KLHL7: variants seen among roughly 807,000 people sequenced by gnomAD.
KLHL7 encodes the protein kelch-like protein 7.
Under a neutral mutation model 67.4 loss-of-function variants are expected in KLHL7, and 44 were observed. The ratio of observed to expected loss-of-function variants is 0.65; its 90% CI spans 0.51 to 0.84. KLHL7 has a LOEUF of 0.84. Among genes scored for constraint, KLHL7 ranks in the 40% least tolerant of loss-of-function variants. The probability of loss-of-function intolerance (pLI) is 0.00; values close to 1 mark genes in which losing one functional copy is unlikely to be tolerated. For synonymous variants in KLHL7, 252 were observed against 243.3 expected, an observed-to-expected ratio of 1.04 and a Z score of -0.33; for missense variants, 362 against 718.1, an observed-to-expected ratio of 0.50 and a Z score of 5.67.
chr7:23,127,660 AACCCAG>A (rs1034425922), intron 4 of KLHL7, among the ~76,000 whole-genome samples: 1 of 152,050 alleles, frequency 6.6e-6, no homozygotes, highest in Non-Finnish European at 1.5e-5. Flanking sequence ...TAAAAAATTA[AACCCAG>A]TACCAGCCTG....
At chr7:23,142,872 A>G (rs1784234254) in intron 5 of KLHL7, among the ~76,000 whole-genome samples, 1 of 152,190 alleles carries the variant, frequency 6.6e-6, no homozygotes, top group Non-Finnish European at 1.5e-5. Flanking sequence ...GAAAAATAAC[A>G]CTAGATAAAA....
At chr7:23,115,538 G>T (rs1436340462) in intron 1 of KLHL7, among the ~76,000 whole-genome samples, 4 of 150,836 alleles carry the variant, frequency 2.7e-5, no homozygotes, top group South Asian at 2.1e-4. Context: ...CTCATTTTGG[G>T]TTTTTTTTGT....
At chr7:23,151,160 T>TG (rs11398631) in intron 6 of KLHL7, among the ~76,000 whole-genome samples, 13 of 132,746 alleles carry the variant, frequency 9.8e-5, no homozygotes, top group African/African-American at 3.4e-4. Flanking sequence ...CTGTTTTGTT[T>TG]TTTTTTTTTT....
chr7:23,108,521 C>G (rs1782739128), intron 1 of KLHL7, among the ~76,000 whole-genome samples: 1 of 152,150 alleles, frequency 6.6e-6, no homozygotes, highest in African/African-American at 2.4e-5. Flanking sequence ...AGAACATGAC[C>G]AGTACACCAG....
Position 23,105,811 on chromosome 7 carries a change from T to C in KLHL7, c.-216T>C. 1 of 637,718 alleles carries C rather than the reference T, an allele frequency of 1.6e-6. No homozygotes were observed. The highest frequency in any genetic ancestry group is 1.8e-5 in the South Asian group (1 of 56,722). 39.5% of individuals were successfully genotyped at this position (637,718 alleles called of 1,614,324 possible). A position where few individuals can be genotyped will look rare whatever the true frequency, so the allele number is the denominator to read the frequency against. On this transcript the variant is annotated 5_prime_UTR_variant, in exon 1 of 11. Transcript: ENST00000339077. The stretch of plus-strand genomic sequence containing the variant: ...GGTTCTGCCCGGGGACGCAGCCCAG[T>C]TGGTAGCGTCGCTCCCTGAGCGTTT...
At chr7:23,133,727 C>T (rs2128462686) in intron 4 of KLHL7, among the ~76,000 whole-genome samples, 1 of 152,296 alleles carries the variant, frequency 6.6e-6, no homozygotes. Flanking sequence ...AACCACCATG[C>T]CCAGCCCTCT....
intron 7 of KLHL7, among the ~76,000 whole-genome samples, chr7:23,155,505 C>G (rs997455706): frequency 1.3e-5 from 2 of 151,590 alleles, no homozygotes; most frequent in African/African-American, 4.8e-5. Context: ...TCTACTAAAG[C>G]TACAAAAAAT....
intron 4 of KLHL7, among the ~76,000 whole-genome samples, chr7:23,127,889 A>C (rs570922135): frequency 2.0e-5 from 3 of 151,796 alleles, no homozygotes; most frequent in South Asian, 2.1e-4. Flanking sequence ...ACAAAAAAAA[A>C]CAGTAGTTTG....
intron 4 of KLHL7, among the ~76,000 whole-genome samples, chr7:23,126,258 TCACACAACTCAGAACAG>T (rs1166315206): frequency 6.6e-6 from 1 of 152,170 alleles, no homozygotes; most frequent in African/African-American, 2.4e-5. Context: ...TGAGATTTCA[TCACACAACTCAGAACAG>T]CACACAATTT....
chr7:23,165,444 T>C (rs181686201), intron 7 of KLHL7, among the ~76,000 whole-genome samples: 1 of 152,180 alleles, frequency 6.6e-6, no homozygotes, highest in East Asian at 1.9e-4. Flanking sequence ...TATATCCAAA[T>C]ATATTTAAGT....
At chr7:23,167,814 A>C in intron 8 of KLHL7, 22 bp from the exon 9 acceptor site, 11 of 1,610,352 alleles carry the variant, frequency 6.8e-6, no homozygotes, top group Non-Finnish European at 9.3e-6. Context: ...GTTAAGCATG[A>C]TGGGGCCTTT....
chr7:23,140,399 CA>C lies in KLHL7; in HGVS notation c.443-362del, dbSNP rs963874109. On this transcript the variant is annotated intron_variant, in intron 4 of 10. Transcript: ENST00000339077. ...GAAACCCCGTCTCTACTAAAAAATA[CA>C]AAAAAAATTAGCCAGGCGTGGTGGC... Among the ~76,000 whole-genome samples the C allele has an allele frequency of 4.6e-5, 7 of 151,786 alleles. No homozygotes were observed. The East Asian group carries it at 9.7e-4, about 21-fold the overall frequency.
rs1414374228 is a variant in KLHL7, at chr7:23,175,680, G to T, written c.*1382G>T. 2 of 231,522 alleles carry T rather than the reference G, an allele frequency of 8.6e-6. No individual in the cohort carries two copies. Among genetic ancestry groups the T allele is most frequent in the African/African-American group, 2.4e-5 (1 of 42,132 alleles). The allele number at this position is 231,522 out of a possible 1,614,324, so 14.3% of individuals were successfully genotyped here. A position where few individuals can be genotyped will look rare whatever the true frequency, so the allele number is the denominator to read the frequency against. ...TCACCATTTAAAGTATACTATTCAGGCCAGGCACAGTGGCTCACGCCTGTA... is the reference window on the plus strand; with the variant it reads ...TCACCATTTAAAGTATACTATTCAGTCCAGGCACAGTGGCTCACGCCTGTA... On this transcript the variant is annotated 3_prime_UTR_variant, in exon 11 of 11. Coordinates refer to ENST00000339077, the MANE Select transcript of KLHL7 (RefSeq NM_001031710.3).
intron 5 of KLHL7, among the ~76,000 whole-genome samples, chr7:23,141,621 C>A (rs757161852): frequency 2.0e-5 from 3 of 151,728 alleles, no homozygotes; most frequent in Non-Finnish European, 4.4e-5. Context: ...TTCATTCATT[C>A]ATTCATTCAT....
Position 23,140,802 on chromosome 7 carries a change from C to G in KLHL7, c.476C>G (p.Pro159Arg). The change falls in exon 5 of 11, where the codon CCT becomes CGT. Residue 159 changes from proline to arginine, a missense_variant. By Grantham distance (103) the Pro-to-Arg change is moderately radical. Coordinates refer to ENST00000339077, the MANE Select transcript of KLHL7 (RefSeq NM_001031710.3). ...ISVLAECLDC[P>R]ELKATADDFI... ...GTGCTAGCGGAGTGTCTAGATTGTC[C>G]TGAATTGAAAGCAACTGCAGATGAC... is the stretch of plus-strand genomic sequence containing the variant. 6.2e-7 allele frequency: 1 copy of G among 1,613,760 alleles called. No individual in the cohort carries two copies. Among genetic ancestry groups the G allele is most frequent in the Non-Finnish European group, 8.5e-7 (1 of 1,179,908 alleles).
intron 10 of KLHL7, among the ~76,000 whole-genome samples, chr7:23,173,667 A>AGT (rs1785226994): frequency 6.6e-6 from 1 of 152,206 alleles, no homozygotes; most frequent in Non-Finnish European, 1.5e-5. Flanking sequence ...TTTTCCATAA[A>AGT]GTGCTAAAAG....
intron 6 of KLHL7, among the ~76,000 whole-genome samples, chr7:23,146,748 A>C (rs1395557030): frequency 6.6e-6 from 1 of 151,900 alleles, no homozygotes; most frequent in East Asian, 1.9e-4. Flanking sequence ...TATATCTGAT[A>C]AGATGGCTCA....
At chr7:23,170,492 C>T (rs1012650193) in intron 9 of KLHL7, among the ~76,000 whole-genome samples, 2 of 152,080 alleles carry the variant, frequency 1.3e-5, no homozygotes, top group African/African-American at 4.8e-5. Flanking sequence ...AGGATAAGTT[C>T]TAATATTCAG....
chr7:23,138,461 TA>T (rs60497553), intron 4 of KLHL7, among the ~76,000 whole-genome samples: 2,669 of 63,248 alleles, frequency 0.042, 106 homozygotes, highest in African/African-American at 0.15. Context: ...GACTCCATCT[TA>T]AAAAAAAAAA....
Sources: allele counts gnomAD v4.1 joint callset (sites outside exome capture counted in the v4.1 genomes callset), GRCh38; gene constraint gnomAD v4.1.1; transcripts MANE v1.5; gene names NCBI Gene and HGNC (gene_info 2026-07-23, HGNC 2026-07-21).